Variants in EXOC4 observed in about 807,000 individuals in gnomAD.
The protein encoded by EXOC4 is SEC8-like 1.
Under a neutral mutation model 107.2 loss-of-function variants are expected in EXOC4, and 71 were observed. The ratio of observed to expected loss-of-function variants is 0.66; its 90% confidence interval spans 0.55 to 0.81. EXOC4 has a LOEUF of 0.81. Ranked by LOEUF, EXOC4 falls within the 30% of genes least tolerant of loss-of-function variation. The probability of loss-of-function intolerance (pLI) is 0.00; values close to 1 mark genes in which losing one functional copy is unlikely to be tolerated. For synonymous variants in EXOC4, 456 were observed against 441.2 expected, an observed-to-expected ratio of 1.03 and a Z score of -0.42; for missense variants, 1,108 against 1,189.6, an observed-to-expected ratio of 0.93 and a Z score of 1.01.
intron 9 of EXOC4, among the ~76,000 whole-genome samples, chr7:133,515,354 C>T (rs907401157): frequency 3.3e-5 from 5 of 151,740 alleles, no homozygotes; most frequent in South Asian, 4.2e-4. Flanking sequence ...CACACACACA[C>T]GTATACATAT....
At chr7:133,343,971 G>A (rs1795726993) in intron 5 of EXOC4, among the ~76,000 whole-genome samples, 1 of 151,636 alleles carries the variant, frequency 6.6e-6, no homozygotes, top group African/African-American at 2.4e-5. Context: ...AACCACATTT[G>A]GCCAACTTTT....
At chr7:133,576,323 T>C in intron 9 of EXOC4, 1 of 423,086 alleles carries the variant, frequency 2.4e-6, no homozygotes, top group Non-Finnish European at 4.1e-6. Flanking sequence ...AGGATCTGTG[T>C]TGGTTGAGAT....
intron 7 of EXOC4, among the ~76,000 whole-genome samples, chr7:133,457,645 T>C (rs1798494186): frequency 6.6e-6 from 1 of 152,214 alleles, no homozygotes; most frequent in Non-Finnish European, 1.5e-5. Flanking sequence ...TGTATCCCAT[T>C]ATCCTTGAGA....
At chr7:133,338,475 C>A (rs1420314511) in intron 5 of EXOC4, among the ~76,000 whole-genome samples, 6 of 148,706 alleles carry the variant, frequency 4.0e-5, no homozygotes, top group African/African-American at 1.5e-4. Flanking sequence ...CGCCTGTAGT[C>A]CCAGCTACTC....
intron 7 of EXOC4, among the ~76,000 whole-genome samples, chr7:133,413,107 A>G (rs1797399970): frequency 6.6e-6 from 1 of 152,100 alleles, no homozygotes. Flanking sequence ...AGCTGTTCAG[A>G]TTTCTCAGTT....
chr7:134,053,551 T>C (rs1795848679), intron 17 of EXOC4, among the ~76,000 whole-genome samples: 1 of 145,178 alleles, frequency 6.9e-6, no homozygotes. Context: ...GATGAAAGTA[T>C]ATCTGATTTT....
At chr7:133,905,599 T>C (rs1029059190) in intron 12 of EXOC4, among the ~76,000 whole-genome samples, 8 of 152,190 alleles carry the variant, frequency 5.3e-5, no homozygotes, top group African/African-American at 1.9e-4. Flanking sequence ...CGGAAGTTTC[T>C]CTCTGTTCCA....
At chr7:133,852,864 C>A (rs1437827639) in intron 11 of EXOC4, among the ~76,000 whole-genome samples, 1 of 152,166 alleles carries the variant, frequency 6.6e-6, no homozygotes, top group African/African-American at 2.4e-5. Flanking sequence ...CCTTAAAATT[C>A]ACACAAAGCA....
intron 8 of EXOC4, among the ~76,000 whole-genome samples, chr7:133,477,725 T>C (rs1799052241): frequency 6.6e-6 from 1 of 152,234 alleles, no homozygotes; most frequent in South Asian, 2.1e-4. Flanking sequence ...TAAGACACTG[T>C]CAAACTGTCT....
chr7:133,704,912 G>A (rs1376566782), intron 10 of EXOC4, among the ~76,000 whole-genome samples: 1 of 152,144 alleles, frequency 6.6e-6, no homozygotes, highest in Non-Finnish European at 1.5e-5. Context: ...TGCTCAACAT[G>A]TTGAACAATT....
In EXOC4 at chr7:133,289,037, T is replaced by C. The variant is rs757535030; in HGVS notation, c.392T>C (p.Ile131Thr). ...HKHVLNLLDE[I>T]ENIKQVPQKL... ...CATGTCCTGAACTTGTTGGATGAAA[T>C]TGAGAATATCAAGCAAGTGCCTCAA... The change falls in exon 3 of 18, where the codon ATT becomes ACT. Residue 131 changes from isoleucine (I) to threonine (T), a missense_variant. Coordinates refer to ENST00000253861, the MANE Select transcript of EXOC4 (RefSeq NM_021807.4). The C allele has an allele frequency of 6.2e-7, 1 of 1,614,132 alleles. No homozygotes were observed. The highest frequency in any genetic ancestry group is 1.1e-5 in the South Asian group (1 of 91,078).
At chr7:133,916,802 C>A (rs1345098341) in intron 12 of EXOC4, among the ~76,000 whole-genome samples, 1 of 152,146 alleles carries the variant, frequency 6.6e-6, no homozygotes, top group Non-Finnish European at 1.5e-5. Flanking sequence ...TTTCTGTCAC[C>A]TAGTATTGCT....
At chr7:133,734,676 A>G (rs1433291156) in intron 10 of EXOC4, among the ~76,000 whole-genome samples, 3 of 152,106 alleles carry the variant, frequency 2.0e-5, no homozygotes, top group East Asian at 3.9e-4. Context: ...GAGCACTGAC[A>G]TGACATTCAA....
At chr7:134,093,749 A>G in the EXOC4 span, among the ~76,000 whole-genome samples, 2 of 152,216 alleles carry the variant, frequency 1.3e-5, no homozygotes, top group Admixed American at 6.5e-5. Context: ...TGGAATAAAA[A>G]TAGAAATCAA....
At chr7:133,785,734 GCT>G (rs1796555400) in intron 10 of EXOC4, among the ~76,000 whole-genome samples, 1 of 151,508 alleles carries the variant, frequency 6.6e-6, no homozygotes, top group Non-Finnish European at 1.5e-5. Context: ...GTGCAGTGGT[GCT>G]ATCTCAGCTC....
rs73148947 is a variant in EXOC4, at chr7:133,383,371, G to T, written c.1182+8369G>T. On this transcript the variant is annotated intron_variant, in intron 7 of 17. Coordinates refer to ENST00000253861, the MANE Select transcript of EXOC4 (RefSeq NM_021807.4). ...CATGCTAAGCAGTGTCTACAGATGG[G>T]GACAGTGGGTTCTGATTATACTGTT... Among the ~76,000 whole-genome samples, 500 of 152,216 alleles carry T rather than the reference G, an allele frequency of 3.3e-3. 4 individuals are homozygous for T. The highest frequency in any genetic ancestry group is 6.8e-3 in the Middle Eastern group (2 of 294).
At chr7:133,292,804 T>C (rs1794436767) in intron 3 of EXOC4, among the ~76,000 whole-genome samples, 1 of 152,230 alleles carries the variant, frequency 6.6e-6, no homozygotes, top group Non-Finnish European at 1.5e-5. Context: ...CAGCATAGTG[T>C]AGCTCATACA....
intron 10 of EXOC4, among the ~76,000 whole-genome samples, chr7:133,713,954 G>A (rs749306929): frequency 3.3e-5 from 5 of 152,044 alleles, no homozygotes; most frequent in African/African-American, 4.8e-5. Context: ...CAGTATCATA[G>A]AACATAAGAG....
intron 13 of EXOC4, among the ~76,000 whole-genome samples, chr7:133,934,474 G>A (rs1800252344): frequency 6.6e-6 from 1 of 152,168 alleles, no homozygotes; most frequent in Admixed American, 6.5e-5. Flanking sequence ...TGTCTGAGGA[G>A]GTTAAGCAAA....
Sources: gnomAD v4.1 joint callset for allele counts (sites outside exome capture counted in the v4.1 genomes callset) on GRCh38, gnomAD v4.1.1 for gene constraint, MANE v1.5 for transcripts, NCBI Gene and HGNC (gene_info 2026-07-23, HGNC 2026-07-21) for gene names.